The following DPYSL2 variants were observed in gnomAD, a reference collection of about 807,000 sequenced individuals.
DPYSL2 encodes dihydropyrimidinase-related protein 2.
A neutral mutation model predicts 69.9 loss-of-function variants in DPYSL2; 13 were observed. The ratio of observed to expected loss-of-function variants is 0.19; its 90% CI spans 0.12 to 0.30. The LOEUF (loss-of-function observed/expected upper bound fraction) is 0.30, where lower values mean the gene tolerates loss of function less well. DPYSL2 is among the 10% of genes least tolerant of loss of function. The pLI is 1.00. For missense variants in DPYSL2, 587 were observed against 918.9 expected (o/e 0.64, Z 4.67); for synonymous variants, 326 against 359.1 (o/e 0.91, Z 1.04).
In DPYSL2 at chr8:26,657,857, A is replaced by G. The variant is rs532662840; in HGVS notation, c.*2151A>G. The G allele has an allele frequency of 1.3e-5, 2 of 152,738 alleles. No individual in the cohort carries two copies. Among genetic ancestry groups the G allele is most frequent in the Admixed American group, 1.3e-4 (2 of 15,304 alleles). 9.5% of individuals were successfully genotyped at this position (152,738 alleles called of 1,614,324 possible). ...CTTGCTTTGTGTGTCTGTTAAATGAATGTCATATGTAAATGCTAAAATAAA... is the reference window on the plus strand; with the variant it reads ...CTTGCTTTGTGTGTCTGTTAAATGAGTGTCATATGTAAATGCTAAAATAAA... On this transcript the variant is annotated 3_prime_UTR_variant, in exon 14 of 14. Transcript: ENST00000521913.
intron 3 of DPYSL2, among the ~76,000 whole-genome samples, chr8:26,613,901 G>T (rs1012967568): frequency 2.0e-5 from 3 of 152,166 alleles, no homozygotes; most frequent in Non-Finnish European, 4.4e-5. Flanking sequence ...GGAGGCCAAG[G>T]TAGGAGGATC....
At chr8:26,541,685 G>A (rs1488915898) in intron 1 of DPYSL2, among the ~76,000 whole-genome samples, 2 of 152,180 alleles carry the variant, frequency 1.3e-5, no homozygotes, top group Non-Finnish European at 2.9e-5. Context: ...AAGTGCTTGT[G>A]TGGGGGAGTA....
At chr8:26,625,833 A>G (rs1353302502) in intron 4 of DPYSL2, among the ~76,000 whole-genome samples, 1 of 152,232 alleles carries the variant, frequency 6.6e-6, no homozygotes, top group Admixed American at 6.5e-5. Context: ...AATAAATATA[A>G]CATTCAAGTT....
At chr8:26,634,340 C>T (rs1322279375) in intron 7 of DPYSL2, among the ~76,000 whole-genome samples, 2 of 151,512 alleles carry the variant, frequency 1.3e-5, no homozygotes, top group Admixed American at 1.3e-4. Flanking sequence ...TCTCAGCTTA[C>T]TGCCACCTCT....
intron 1 of DPYSL2, among the ~76,000 whole-genome samples, chr8:26,523,520 CT>C: frequency 6.6e-6 from 1 of 152,170 alleles, no homozygotes; most frequent in East Asian, 1.9e-4. Context: ...CTTTGTGTCT[CT>C]GTGAATTTGA....
chr8:26,524,346 T>A (rs1023256311), intron 1 of DPYSL2, among the ~76,000 whole-genome samples: 4 of 152,168 alleles, frequency 2.6e-5, no homozygotes, highest in South Asian at 4.1e-4. Context: ...TGTTCTTTTT[T>A]AAAGAAATAA....
chr8:26,578,181 A>G (rs1801403904), intron 1 of DPYSL2: 3 of 1,607,234 alleles, frequency 1.9e-6, no homozygotes, highest in Non-Finnish European at 2.5e-6. Context: ...AAAACAAAAA[A>G]AACCCAAGTC....
At chr8:26,561,769 C>A (rs1245485835) in intron 1 of DPYSL2, among the ~76,000 whole-genome samples, 1 of 152,168 alleles carries the variant, frequency 6.6e-6, no homozygotes, top group Non-Finnish European at 1.5e-5. Context: ...ATATCCCTCC[C>A]ATGTGCAGTT....
In DPYSL2 at chr8:26,640,760, A is replaced by G. The variant is rs1440322052; in HGVS notation, c.1127-2679A>G. 6.6e-6 allele frequency among the ~76,000 whole-genome samples: 1 copy of G among 152,110 alleles called. No homozygotes were observed. Among genetic ancestry groups the G allele is most frequent in the Non-Finnish European group, 1.5e-5 (1 of 68,018 alleles). ...GTTGAACAGAGCAAAGTAGAAATGA[A>G]CCACAGGATGGCTCCATCCCTCCCC... On this transcript the variant is annotated intron_variant, in intron 8 of 13. Transcript: ENST00000521913. The surrounding 1 kb of genome is among the most constrained non-coding windows in gnomAD (Gnocchi z 4.2).
intron 1 of DPYSL2, among the ~76,000 whole-genome samples, chr8:26,532,303 T>G (rs1242680915): frequency 2.6e-5 from 4 of 152,168 alleles, no homozygotes; most frequent in African/African-American, 9.7e-5. Flanking sequence ...GGGGCAGAGT[T>G]TCTTCCAAGG....
In DPYSL2 at chr8:26,531,812, A is replaced by T. The variant is rs139801305; in HGVS notation, c.354+17133A>T. Among the ~76,000 whole-genome samples, 513 of 151,954 alleles carry T rather than the reference A, an allele frequency of 3.4e-3. 3 individuals carry two copies. Among genetic ancestry groups the T allele is most frequent in the African/African-American group, 0.012 (493 of 41,444 alleles). ...AAAGGCAGAAAAAAAATGAAGTAGG[A>T]TGAAACCTGAAAGGACACCACTGGT... On this transcript the variant is annotated intron_variant, in intron 1 of 13. Coordinates refer to ENST00000521913, the MANE Select transcript of DPYSL2 (RefSeq NM_001197293.3).
rs1051014170 is a variant in DPYSL2, at chr8:26,653,520, C to T, written c.1942+123C>T. The T allele has an allele frequency of 1.8e-5, 19 of 1,067,572 alleles. No homozygotes were observed. The highest frequency in any genetic ancestry group is 1.6e-4 in the African/African-American group (10 of 62,852). The allele number at this position is 1,067,572 out of a possible 1,614,324, so 66.1% of individuals were successfully genotyped here. A position where few individuals can be genotyped will look rare whatever the true frequency, so the allele number is the denominator to read the frequency against. On this transcript the variant is annotated intron_variant, in intron 13 of 13. Coordinates refer to ENST00000521913, the MANE Select transcript of DPYSL2 (RefSeq NM_001197293.3). The surrounding 1 kb of genome is among the most constrained non-coding windows in gnomAD (Gnocchi z 5.7). ...TGAATGATATTCCCTTTCTCTCCAA[C>T]GTGAGAAATACAGTGGACTCAGATC...
chr8:26,521,643 T>C (rs191074412), intron 1 of DPYSL2, among the ~76,000 whole-genome samples: 1 of 152,300 alleles, frequency 6.6e-6, no homozygotes, highest in Admixed American at 6.5e-5. Context: ...AAAGAAACTT[T>C]GTACCATTAA....
rs1563372905 is a variant in DPYSL2, at chr8:26,521,360, AC to A, written c.354+6683del. On this transcript the variant is annotated intron_variant, in intron 1 of 13. Coordinates refer to ENST00000521913, the MANE Select transcript of DPYSL2 (RefSeq NM_001197293.3). ...GGCTCTGCCATTGACTGACTGTGTG[AC>A]CTGCACAGTCATCTAACCTCAGTGG... Among the ~76,000 whole-genome samples the A allele has an allele frequency of 2.6e-5, 4 of 152,014 alleles. No individual in the cohort carries two copies. The East Asian group carries it at 7.7e-4, about 29-fold the overall frequency.
intron 1 of DPYSL2, among the ~76,000 whole-genome samples, chr8:26,532,138 A>G (rs979722876): frequency 3.3e-5 from 5 of 152,094 alleles, no homozygotes; most frequent in Non-Finnish European, 7.4e-5. Flanking sequence ...ACAGGAAAGG[A>G]GGGATTGGCT....
chr8:26,607,342 G>A (rs1439195098), intron 3 of DPYSL2, among the ~76,000 whole-genome samples: 1 of 151,650 alleles, frequency 6.6e-6, no homozygotes, highest in Non-Finnish European at 1.5e-5. Context: ...AAAATTAACC[G>A]GGCATGGTTG....
At position 26,585,367 on chromosome 8, in the gene DPYSL2, T is replaced by G. The variant is rs1801577866; in HGVS notation, c.628+1384T>G. Among the ~76,000 whole-genome samples the G allele has an allele frequency of 6.6e-6, 1 of 152,046 alleles. No homozygotes were observed. Among genetic ancestry groups the G allele is most frequent in the African/African-American group, 2.4e-5 (1 of 41,420 alleles). On this transcript the variant is annotated intron_variant, in intron 3 of 13. Coordinates refer to ENST00000521913, the MANE Select transcript of DPYSL2 (RefSeq NM_001197293.3). The surrounding 1 kb of genome is among the most constrained non-coding windows in gnomAD (Gnocchi z 4.0). ...CCCTCCTAGTCTGAGTTGCCCCGCA[T>G]TTTAAATCACAACTCATCCTCTGGC...
intron 3 of DPYSL2, among the ~76,000 whole-genome samples, chr8:26,584,777 G>T: frequency 6.6e-6 from 1 of 151,994 alleles, no homozygotes; most frequent in East Asian, 1.9e-4. Flanking sequence ...GCACCCCCAC[G>T]CTTGGCTAAT....
chr8:26,534,843 A>G (rs770088190), intron 1 of DPYSL2, among the ~76,000 whole-genome samples: 20 of 152,064 alleles, frequency 1.3e-4, no homozygotes, highest in Non-Finnish European at 2.8e-4. Flanking sequence ...ATGTTGTCCA[A>G]GCTGGTCTCT....
Sources: gnomAD v4.1 joint callset for allele counts (sites outside exome capture counted in the v4.1 genomes callset) on GRCh38, gnomAD v4.1.1 for gene constraint, Gnocchi (gnomAD v3.1) non-coding constraint, MANE v1.5 for transcripts, NCBI Gene and HGNC (gene_info 2026-07-23, HGNC 2026-07-21) for gene names.